Variants in THOC2 observed in about 807,000 individuals in gnomAD.
THOC2 encodes THO complex 2.
A neutral mutation model predicts 128.4 loss-of-function variants in THOC2; 10 were observed. The observed-to-expected ratio is 0.08, with a 90% CI of 0.05 to 0.13. The LOEUF (loss-of-function observed/expected upper bound fraction) is 0.13. Ranked by LOEUF, THOC2 falls within the 10% of genes least tolerant of loss-of-function variation. THOC2 has a pLI of 1.00. For synonymous variants in THOC2, 393 were observed against 396.9 expected (o/e 0.99, Z 0.12); for missense variants, 535 against 1,155.7 (o/e 0.46, Z 7.79).
At chrX:123,686,313 C>A (rs2050000374) in intron 8 of THOC2, among the ~76,000 whole-genome samples, 1 of 111,815 alleles carries the variant, frequency 8.9e-6, no homozygotes, top group South Asian at 3.7e-4. Flanking sequence ...TCTTCCCTGA[C>A]TCCACCTCTC....
intron 15 of THOC2, 28 bp downstream of exon 15, chrX:123,644,547 T>C (rs1468263508): frequency 6.8e-6 from 7 of 1,029,550 alleles, no homozygotes; most frequent in Non-Finnish European, 9.2e-6. Context: ...ATAATTTAGA[T>C]TAATATGAAA....
chrX:123,607,852 G>T (rs1045053379), intron 38 of THOC2, among the ~76,000 whole-genome samples: 1 of 110,070 alleles, frequency 9.1e-6, no homozygotes, highest in Non-Finnish European at 1.9e-5. Flanking sequence ...GTAAATAGAC[G>T]GTTCCAATCA....
intron 8 of THOC2, among the ~76,000 whole-genome samples, chrX:123,685,673 T>A (rs1163548514): frequency 9.0e-6 from 1 of 111,596 alleles, no homozygotes; most frequent in African/African-American, 3.3e-5. Flanking sequence ...CATTTAGAAG[T>A]TTGAATTTCA....
intron 8 of THOC2, among the ~76,000 whole-genome samples, chrX:123,680,079 C>T (rs1038522666): frequency 6.3e-5 from 7 of 111,404 alleles, no homozygotes; most frequent in African/African-American, 2.0e-4. Context: ...GTCCGACACC[C>T]GTAAAGGGTC....
At chrX:123,621,869 C>T (rs964799361) in intron 30 of THOC2, among the ~76,000 whole-genome samples, 1 of 109,808 alleles carries the variant, frequency 9.1e-6, no homozygotes, top group Non-Finnish European at 1.9e-5. Flanking sequence ...ATGGTGAAAC[C>T]CCGTCTCTAC....
chrX:123,730,910 C>T (rs572350875), intron 1 of THOC2, among the ~76,000 whole-genome samples: 296 of 112,114 alleles, frequency 2.6e-3, no homozygotes, highest in South Asian at 0.013. Flanking sequence ...CGCCACTGCA[C>T]TCCAGCCTGG....
chrX:123,693,355 A>G (rs1364180863), intron 7 of THOC2, among the ~76,000 whole-genome samples: 1 of 111,346 alleles, frequency 9.0e-6, no homozygotes, highest in East Asian at 2.8e-4. Context: ...AATCCCAGCT[A>G]CTCGGGAGGC....
chrX:123,622,180 G>A (rs771131680), intron 30 of THOC2, among the ~76,000 whole-genome samples: 23 of 110,858 alleles, frequency 2.1e-4, no homozygotes, highest in Non-Finnish European at 3.0e-4. Flanking sequence ...GGCAAATCAC[G>A]TGAGGCCAGG....
chrX:123,611,594 G>A (rs1177279441), intron 36 of THOC2, 78 bp from the exon 37 acceptor site: 13 of 624,046 alleles, frequency 2.1e-5, no homozygotes, highest in East Asian at 2.0e-4. Context: ...TTCATCACCC[G>A]CGAGCTATAT....
At chrX:123,732,840 C>T in intron 1 of THOC2, 112 bp downstream of exon 1, 2 of 854,151 alleles carry the variant, frequency 2.3e-6, no homozygotes, top group South Asian at 2.1e-5. Context: ...GCCCGCCGCC[C>T]GGGTGGGGGA....
chrX:123,667,632 G>T (rs2049100110), intron 10 of THOC2, among the ~76,000 whole-genome samples: 1 of 110,765 alleles, frequency 9.0e-6, no homozygotes, highest in South Asian at 3.9e-4. Flanking sequence ...CAGCTACTCA[G>T]GAGGCTAAGG....
chrX:123,657,644 T>TTA (rs1556084336), intron 12 of THOC2, among the ~76,000 whole-genome samples: 1 of 102,321 alleles, frequency 9.8e-6, no homozygotes, highest in African/African-American at 3.5e-5. Context: ...AGTGTTAAGA[T>TTA]AAAAAAAAAA....
intron 4 of THOC2, among the ~76,000 whole-genome samples, chrX:123,699,328 C>T (rs2050595057): frequency 8.9e-6 from 1 of 112,088 alleles, no homozygotes; most frequent in African/African-American, 3.2e-5. Context: ...CCTTCTTGGA[C>T]AGTTGCCATT....
intron 24 of THOC2, 42 bp from the exon 25 acceptor site, chrX:123,626,111 C>T: frequency 9.8e-7 from 1 of 1,018,432 alleles, no homozygotes; most frequent in Non-Finnish European, 1.4e-6. Flanking sequence ...AAACTTCTTC[C>T]CCAAGTGCCT....
At chrX:123,651,220 A>C (rs140872250) in intron 12 of THOC2, among the ~76,000 whole-genome samples, 104 of 112,310 alleles carry the variant, frequency 9.3e-4, no homozygotes, top group African/African-American at 3.0e-3. Flanking sequence ...CAATGCAATT[A>C]AGACAGAAAT....
intron 12 of THOC2, among the ~76,000 whole-genome samples, chrX:123,652,233 C>G (rs1410361977): frequency 9.0e-6 from 1 of 111,646 alleles, no homozygotes; most frequent in South Asian, 3.8e-4. Flanking sequence ...ATTCAACACC[C>G]CTTCATGCTA....
Position 123,614,207 on chromosome X carries a change from T to C in THOC2, c.4312-18A>G, listed in dbSNP as rs776852337. 6 of 1,122,801 alleles carry C rather than the reference T, an allele frequency of 5.3e-6. 1 individual carries two copies. The South Asian group carries it at 9.6e-5, about 18-fold the overall frequency. 92.5% of individuals were successfully genotyped at this position (1,122,801 alleles called of 1,213,427 possible). ...ATGTAGAGCTGTTAAATTAAGGCAA[T>C]ATTACTAAAGATTATTAGTTTTCCA... On this transcript the variant is annotated intron_variant, in intron 33 of 38. Coordinates refer to ENST00000245838, the MANE Select transcript of THOC2 (RefSeq NM_001081550.2).
At chrX:123,700,503 G>A (rs189298360) in intron 4 of THOC2, among the ~76,000 whole-genome samples, 1,659 of 87,368 alleles carry the variant, frequency 0.019, 53 homozygotes, top group African/African-American at 0.067. Flanking sequence ...CTCCATTCTC[G>A]GGGCGGGGCT....
At chrX:123,616,545 T>C (rs2046900618) in intron 33 of THOC2, among the ~76,000 whole-genome samples, 1 of 111,247 alleles carries the variant, frequency 9.0e-6, no homozygotes, top group African/African-American at 3.2e-5. Context: ...GCCTCACTTT[T>C]AGGCTTGGGT....
Sources: allele counts gnomAD v4.1 joint callset (sites outside exome capture counted in the v4.1 genomes callset), GRCh38; gene constraint gnomAD v4.1.1; transcripts MANE v1.5; gene names NCBI Gene and HGNC (gene_info 2026-07-23, HGNC 2026-07-21).